HSD17B8: variants seen among roughly 807,000 people sequenced by gnomAD.
The protein encoded by HSD17B8 is (3R)-3-hydroxyacyl-CoA dehydrogenase.
HSD17B8 carries 23 observed loss-of-function variants against 33.2 expected under a neutral mutation model. That is an observed-to-expected ratio of 0.69 (90% CI 0.50 to 0.98). HSD17B8 has a LOEUF of 0.98. HSD17B8 is among the 50% of genes least tolerant of loss of function. HSD17B8 has a pLI of 0.00. For synonymous variants in HSD17B8, 137 were observed against 138.6 expected (o/e 0.99, Z 0.08); for missense variants, 345 against 347.5 (o/e 0.99, Z 0.06).
Position 33,206,831 on chromosome 6 carries a change from A to C in HSD17B8, c.*177A>C. The C allele has an allele frequency of 1.5e-6, 1 of 658,166 alleles. No homozygotes were observed. Among genetic ancestry groups the C allele is most frequent in the Non-Finnish European group, 2.7e-6 (1 of 366,240 alleles). The allele number at this position is 658,166 out of a possible 1,614,324, so 40.8% of individuals were successfully genotyped here. On this transcript the variant is annotated 3_prime_UTR_variant, in exon 9 of 9. Transcript: ENST00000374662. The surrounding 1 kb of genome is among the most constrained non-coding windows in gnomAD (Gnocchi z 6.2). ...TAAATTCCAAGTCCTCTTCCCTGCC[A>C]CCTCCGGCTCTTCTTGTGTCCAAGC...
In HSD17B8 at chr6:33,205,169, T is replaced by A; in HGVS notation, c.270+50T>A. 4 of 1,606,968 alleles carry A rather than the reference T, an allele frequency of 2.5e-6. No homozygotes were observed. The highest frequency in any genetic ancestry group is 3.4e-6 in the Non-Finnish European group (4 of 1,175,758). On this transcript the variant is annotated intron_variant, in intron 2 of 8. Transcript: ENST00000374662. This position sits in a 1 kb window ranked among gnomAD's most constrained non-coding sequence, Gnocchi z 5.0. ...TCTAAAGCTCTGATATTGCCTCCACTGCCCCGGCTTTTTGTGGGGGGTTTT... is the reference window on the plus strand; with the variant it reads ...TCTAAAGCTCTGATATTGCCTCCACAGCCCCGGCTTTTTGTGGGGGGTTTT...
Position 33,205,997 on chromosome 6 carries a change from G to GA in HSD17B8, c.651+87dup, listed in dbSNP as rs1775024500. The GA allele has an allele frequency of 3.0e-6, 4 of 1,328,450 alleles. No individual in the cohort carries two copies. Among genetic ancestry groups the GA allele is most frequent in the Non-Finnish European group, 3.2e-6 (3 of 934,474 alleles). The allele number at this position is 1,328,450 out of a possible 1,614,324, so 82.3% of individuals were successfully genotyped here. ...AGAGAGAGAGAGAGAGAGAGAGAGA[G>GA]AATACTGGGCACAGTTCCTGGCAAA... On this transcript the variant is annotated intron_variant, in intron 6 of 8. Transcript: ENST00000374662. The surrounding 1 kb of genome is among the most constrained non-coding windows in gnomAD (Gnocchi z 5.0).
chr6:33,206,092 T>C lies in HSD17B8; in HGVS notation c.652-42T>C, dbSNP rs777183574. The stretch of plus-strand genomic sequence containing the variant: ...GTCACAGACTCAGTCTTCAAAAAAA[T>C]CCATAAAAGAAGCTTTCACCCACAT... On this transcript the variant is annotated intron_variant, in intron 6 of 8. Coordinates refer to ENST00000374662, the MANE Select transcript of HSD17B8 (RefSeq NM_014234.5). This position sits in a 1 kb window ranked among gnomAD's most constrained non-coding sequence, Gnocchi z 6.2. 1 of 1,595,468 alleles carries C rather than the reference T, an allele frequency of 6.3e-7. No homozygotes were observed. Among genetic ancestry groups the C allele is most frequent in the African/African-American group, 1.4e-5 (1 of 73,668 alleles).
rs770647691 is a variant in HSD17B8, at chr6:33,205,759, C to G, written c.566+34C>G. 4 of 1,611,884 alleles carry G rather than the reference C, an allele frequency of 2.5e-6. No homozygotes were observed. In the Admixed American group the frequency reaches 6.7e-5, roughly 27 times the overall value. On this transcript the variant is annotated intron_variant, in intron 5 of 8. Coordinates refer to ENST00000374662, the MANE Select transcript of HSD17B8 (RefSeq NM_014234.5). The surrounding 1 kb of genome is among the most constrained non-coding windows in gnomAD (Gnocchi z 5.0). ...GATGCTTGAGGGTGCTGGGGAGCAC[C>G]TGGGGGGTCTGAGGGAGGTACCAGC...
In HSD17B8 at chr6:33,206,428, G is replaced by A; in HGVS notation, c.748G>A (p.Gly250Arg). 1 of 1,614,048 alleles carries A rather than the reference G, an allele frequency of 6.2e-7. No homozygotes were observed. The change falls in exon 8 of 9, where the codon GGG becomes AGG. Residue 250 changes from glycine to arginine, a missense_variant. Transcript: ENST00000374662. This position sits in a 1 kb window ranked among gnomAD's most constrained non-coding sequence, Gnocchi z 6.2. ...LASEDSGYITGTSVEVTGGLF... is the reference protein window; with the variant it reads ...LASEDSGYITRTSVEVTGGLF... ...ATCTGAAGATAGTGGATACATCACA[G>A]GGACCTCAGTGGAAGTCACTGGTAT...
chr6:33,206,273 G>C lies in HSD17B8; in HGVS notation c.694+97G>C. 6.4e-7 allele frequency: 1 copy of C among 1,554,716 alleles called. No homozygotes were observed. The highest frequency in any genetic ancestry group is 8.9e-7 in the Non-Finnish European group (1 of 1,127,612). ...TCTAGGGGACTGGTGGTTGGTGTCT[G>C]TGGAGAGGTTTGTGGGGAGGGATGT... On this transcript the variant is annotated intron_variant, in intron 7 of 8. Coordinates refer to ENST00000374662, the MANE Select transcript of HSD17B8 (RefSeq NM_014234.5). The surrounding 1 kb of genome is among the most constrained non-coding windows in gnomAD (Gnocchi z 6.2).
chr6:33,205,753 G>C lies in HSD17B8; in HGVS notation c.566+28G>C. On this transcript the variant is annotated intron_variant, in intron 5 of 8. Coordinates refer to ENST00000374662, the MANE Select transcript of HSD17B8 (RefSeq NM_014234.5). This position sits in a 1 kb window ranked among gnomAD's most constrained non-coding sequence, Gnocchi z 5.0. ...TGGTCAGATGCTTGAGGGTGCTGGG[G>C]AGCACCTGGGGGGTCTGAGGGAGGT... 1 of 1,610,600 alleles carries C rather than the reference G, an allele frequency of 6.2e-7. No homozygotes were observed. Among genetic ancestry groups the C allele is most frequent in the Non-Finnish European group, 8.5e-7 (1 of 1,177,778 alleles).
Position 33,205,530 on chromosome 6 carries a change from C to T in HSD17B8, c.471C>T (p.Ile157=), listed in dbSNP as rs1562440827. 2 of 1,612,900 alleles carry T rather than the reference C, an allele frequency of 1.2e-6. No homozygotes were observed. The highest frequency in any genetic ancestry group is 8.5e-7 in the Non-Finnish European group (1 of 1,179,968). ...GTTCCATCATCAACATCAGTAGCAT[C>T]GTAGGAAAGGTCAGGTTGAGTTGGA... The part of the protein sequence containing the change: ...CRGSIINISS[I]VGKVGNVGQT... Residue 157 remains isoleucine, a synonymous_variant, in exon 4 of 9, where the codon ATC becomes ATT. Transcript: ENST00000374662. This position sits in a 1 kb window ranked among gnomAD's most constrained non-coding sequence, Gnocchi z 5.0.
Position 33,206,086 on chromosome 6 carries a change from A to G in HSD17B8, c.652-48A>G. 6.3e-7 allele frequency: 1 copy of G among 1,593,218 alleles called. No homozygotes were observed. Among genetic ancestry groups the G allele is most frequent in the Non-Finnish European group, 8.6e-7 (1 of 1,169,360 alleles). On this transcript the variant is annotated intron_variant, in intron 6 of 8. Transcript: ENST00000374662. This position sits in a 1 kb window ranked among gnomAD's most constrained non-coding sequence, Gnocchi z 6.2. ...AAAAGGGTCACAGACTCAGTCTTCA[A>G]AAAAATCCATAAAAGAAGCTTTCAC...
Position 33,205,249 on chromosome 6 carries a change from TTG to T in HSD17B8, c.303_304del (p.Ser102LeufsTer8). On this transcript the variant is annotated frameshift_variant, in exon 3 of 9. Coordinates refer to ENST00000374662, the MANE Select transcript of HSD17B8 (RefSeq NM_014234.5). LOFTEE classifies it high-confidence loss of function. The surrounding 1 kb of genome is among the most constrained non-coding windows in gnomAD (Gnocchi z 5.0). ...TGCTTTTCTCGCCCACCATCTGTCG[TTG>T]TGTCCTGTGCGGGCATCACCCAGGA... The T allele has an allele frequency of 6.2e-7, 1 of 1,612,588 alleles. No individual in the cohort carries two copies.
Position 33,205,508 on chromosome 6 carries a change from CCAT to C in HSD17B8, c.455_457del (p.Ile152del). The C allele has an allele frequency of 1.2e-6, 2 of 1,613,086 alleles. No homozygotes were observed. Among genetic ancestry groups the C allele is most frequent in the Non-Finnish European group, 1.7e-6 (2 of 1,180,032 alleles). On this transcript the variant is annotated inframe_deletion, in exon 4 of 9. Coordinates refer to ENST00000374662, the MANE Select transcript of HSD17B8 (RefSeq NM_014234.5). This position sits in a 1 kb window ranked among gnomAD's most constrained non-coding sequence, Gnocchi z 5.0. ...CTGGTGTCCAATGGTTGTCGTGGTT[CCAT>C]CATCAACATCAGTAGCATCGTAGGA... is the stretch of plus-strand genomic sequence containing the variant.
Position 33,205,146 on chromosome 6 carries a change from T to G in HSD17B8, c.270+27T>G. ...TGAACGCTAGGCCACTTTCCCCCTC[T>G]AAAGCTCTGATATTGCCTCCACTGC... is the stretch of plus-strand genomic sequence containing the variant. On this transcript the variant is annotated intron_variant, in intron 2 of 8. Transcript: ENST00000374662. This position sits in a 1 kb window ranked among gnomAD's most constrained non-coding sequence, Gnocchi z 5.0. The G allele has an allele frequency of 6.3e-7, 1 of 1,592,534 alleles. No homozygotes were observed.
At position 33,205,233 on chromosome 6, in the gene HSD17B8, C is replaced by T. The variant is rs770507785; in HGVS notation, c.283C>T (p.Arg95Cys). 5.0e-6 allele frequency: 8 copies of T among 1,613,114 alleles called. 1 individual carries two copies. In the African/African-American group the frequency reaches 8.0e-5, roughly 16 times the overall value. ...CCCCCTCCCATAGGCCTGCTTTTCT[C>T]GCCCACCATCTGTCGTTGTGTCCTG... ...LLEQVQACFS[R>C]PPSVVVSCAG... Residue 95 changes from arginine (R) to cysteine (C), a missense_variant, in exon 3 of 9, where the codon CGC becomes TGC. Arg to Cys is a radical substitution (Grantham distance 180). Transcript: ENST00000374662. This position sits in a 1 kb window ranked among gnomAD's most constrained non-coding sequence, Gnocchi z 5.0.
chr6:33,205,136 T>C lies in HSD17B8; in HGVS notation c.270+17T>C, dbSNP rs1411645002. 1.3e-6 allele frequency: 2 copies of C among 1,581,416 alleles called. No homozygotes were observed. The highest frequency in any genetic ancestry group is 8.6e-7 in the Non-Finnish European group (1 of 1,161,730). On this transcript the variant is annotated intron_variant, in intron 2 of 8. Transcript: ENST00000374662. The surrounding 1 kb of genome is among the most constrained non-coding windows in gnomAD (Gnocchi z 5.0). Reference sequence around the variant, plus strand: ...CAAGTGCAGGTGAACGCTAGGCCACTTTCCCCCTCTAAAGCTCTGATATTG... The same window carrying C: ...CAAGTGCAGGTGAACGCTAGGCCACCTTCCCCCTCTAAAGCTCTGATATTG...
At position 33,206,689 on chromosome 6, in the gene HSD17B8, C is replaced by G; in HGVS notation, c.*35C>G. 2 of 1,609,802 alleles carry G rather than the reference C, an allele frequency of 1.2e-6. No homozygotes were observed. The highest frequency in any genetic ancestry group is 1.7e-6 in the Non-Finnish European group (2 of 1,176,092). ...GGACCCTGGACTCTGCTCACCCCCC[C>G]ACCACTCTGCCTGGCCTCCTGCTGA... On this transcript the variant is annotated 3_prime_UTR_variant, in exon 9 of 9. Transcript: ENST00000374662. The surrounding 1 kb of genome is among the most constrained non-coding windows in gnomAD (Gnocchi z 6.2).
rs751158659 is a variant in HSD17B8, at chr6:33,205,886, A to G, written c.625A>G (p.Lys209Glu). The G allele has an allele frequency of 1.2e-6, 2 of 1,612,938 alleles. No homozygotes were observed. Among genetic ancestry groups the G allele is most frequent in the Non-Finnish European group, 1.7e-6 (2 of 1,179,924 alleles). ...PGFIATPMTQ[K>E]VPQKVVDKIT... ...GTTCATTGCAACACCCATGACACAG[A>G]AAGTGCCACAGAAAGTGGTGGACAA... The change falls in exon 6 of 9, where the codon AAA becomes GAA. Residue 209 changes from lysine (K) to glutamate (E), a missense_variant. Coordinates refer to ENST00000374662, the MANE Select transcript of HSD17B8 (RefSeq NM_014234.5). The surrounding 1 kb of genome is among the most constrained non-coding windows in gnomAD (Gnocchi z 5.0).
In HSD17B8 at chr6:33,206,566, C is replaced by T; in HGVS notation, c.770-72C>T. 1.3e-6 allele frequency: 2 copies of T among 1,579,212 alleles called. No individual in the cohort carries two copies. The highest frequency in any genetic ancestry group is 1.7e-6 in the Non-Finnish European group (2 of 1,148,428). On this transcript the variant is annotated intron_variant, in intron 8 of 8. Transcript: ENST00000374662. The surrounding 1 kb of genome is among the most constrained non-coding windows in gnomAD (Gnocchi z 6.2). ...GGGCAGAGGTTCCCAAGGCCAGGGA[C>T]AGAAGTGGGTACCCCCTAGCCCATT... is the stretch of plus-strand genomic sequence containing the variant.
In HSD17B8 at chr6:33,204,691, G is replaced by A. The variant is rs773380800; in HGVS notation, c.23G>A (p.Arg8Gln). The change falls in exon 1 of 9, where the codon CGA becomes CAA. Residue 8 changes from arginine (R) to glutamine (Q), a missense_variant. By Grantham distance (43) the Arg-to-Gln change is conservative. Coordinates refer to ENST00000374662, the MANE Select transcript of HSD17B8 (RefSeq NM_014234.5). ...GCCATGGCGTCTCAGCTCCAGAACC[G>A]ACTCCGCTCCGCACTGGCCTTGGTC... is the stretch of plus-strand genomic sequence containing the variant. Reference protein sequence around the residue: MASQLQNRLRSALALVTG... With the variant: MASQLQNQLRSALALVTG... 6.4e-6 allele frequency: 10 copies of A among 1,569,064 alleles called. No individual in the cohort carries two copies. In the East Asian group the frequency reaches 7.2e-5, roughly 11 times the overall value.
Position 33,206,677 on chromosome 6 carries a change from T to C in HSD17B8, c.*23T>C. On this transcript the variant is annotated 3_prime_UTR_variant, in exon 9 of 9. Coordinates refer to ENST00000374662, the MANE Select transcript of HSD17B8 (RefSeq NM_014234.5). This position sits in a 1 kb window ranked among gnomAD's most constrained non-coding sequence, Gnocchi z 6.2. ...TAACTGCCTCAAGGACCCTGGACTC[T>C]GCTCACCCCCCCACCACTCTGCCTG... 1 of 1,612,890 alleles carries C rather than the reference T, an allele frequency of 6.2e-7. No homozygotes were observed. The highest frequency in any genetic ancestry group is 1.7e-5 in the Admixed American group (1 of 60,008).
Sources: allele counts gnomAD v4.1 joint callset, GRCh38; gene constraint gnomAD v4.1.1; non-coding constraint Gnocchi (gnomAD v3.1); transcripts MANE v1.5; gene names NCBI Gene and HGNC (gene_info 2026-07-23, HGNC 2026-07-21).